ING5: variants seen among roughly 807,000 people sequenced by gnomAD.
ING5 encodes the protein inhibitor of growth protein 5.
ING5 carries 17 observed loss-of-function variants against 37.4 expected under a neutral mutation model. The ratio of observed to expected loss-of-function variants is 0.45; its 90% CI spans 0.31 to 0.68. The LOEUF is 0.68. ING5 is among the 30% of genes least tolerant of loss of function. ING5 has a pLI of 0.05. For missense variants in ING5, 233 were observed against 311.9 expected (o/e 0.75, Z 1.91); for synonymous variants, 123 against 116.6 (o/e 1.06, Z -0.36).
chr2:241,721,569 C>T (rs1214815980), intron 5 of ING5: 2 of 985,322 alleles, frequency 2.0e-6, no homozygotes, highest in South Asian at 4.7e-5. Context: ...TGTTGATTCC[C>T]TCTGGGACCC....
chr2:241,697,030 C>T (rs532631857), intron 2 of ING5, among the ~76,000 whole-genome samples: 3 of 151,994 alleles, frequency 2.0e-5, no homozygotes, highest in Admixed American at 6.6e-5. Context: ...TGCAGTGAGC[C>T]GAGATTGCGC....
At chr2:241,697,939 C>G (rs541009961), upstream of ING5, among the ~76,000 whole-genome samples, 1 of 152,026 alleles carries the variant, frequency 6.6e-6, no homozygotes, top group Admixed American at 6.6e-5. Context: ...AAAACTTAGC[C>G]AGGCGTGGTG....
intron 7 of ING5, among the ~76,000 whole-genome samples, 186 bp downstream of exon 7, chr2:241,723,457 T>TA (rs1445469946): frequency 7.9e-5 from 12 of 152,358 alleles, no homozygotes; most frequent in South Asian, 2.1e-4. Context: ...GGTGTGGCTT[T>TA]ATCCCCCCTT....
chr2:241,688,199 A>G (rs904616561), intron 1 of ING5: 1 of 152,250 alleles, frequency 6.6e-6, no homozygotes, highest in Non-Finnish European at 1.5e-5. Context: ...TCATCTGTGT[A>G]GCCCTGGATT....
rs1349541199 is a variant in ING5, at chr2:241,719,745, C to A, written c.483-3194C>A. The A allele has an allele frequency of 2.1e-6, 3 of 1,456,088 alleles. No homozygotes were observed. In the African/African-American group the frequency reaches 4.3e-5, roughly 21 times the overall value. 90.2% of individuals were successfully genotyped at this position (1,456,088 alleles called of 1,614,324 possible). A position where few individuals can be genotyped will look rare whatever the true frequency, so the allele number is the denominator to read the frequency against. ...TCAGAGACCTCAGGAACAGCCAGCA[C>A]CTCTGCAAACACAGGAAGATCCACT... On this transcript the variant is annotated intron_variant, in intron 5 of 7. Transcript: ENST00000313552.
chr2:241,710,927 A>C (rs1048206388), intron 3 of ING5, among the ~76,000 whole-genome samples: 2 of 148,596 alleles, frequency 1.3e-5, no homozygotes, highest in South Asian at 4.3e-4. Flanking sequence ...TTTTGTATTT[A>C]TTTTAGAGAT....
At chr2:241,693,726 C>T (rs1325290090) in intron 2 of ING5, among the ~76,000 whole-genome samples, 1 of 134,710 alleles carries the variant, frequency 7.4e-6, no homozygotes, top group African/African-American at 2.7e-5. Context: ...GGCGCAGTCT[C>T]GGCTAACTGC....
At chr2:241,721,194 G>T in intron 5 of ING5, 1 of 985,666 alleles carries the variant, frequency 1.0e-6, no homozygotes, top group Non-Finnish European at 1.2e-6. Flanking sequence ...CCCCTTGGAG[G>T]TGAAGCCACA....
upstream of ING5, among the ~76,000 whole-genome samples, chr2:241,699,390 G>A (rs2069680716): frequency 6.6e-6 from 1 of 152,082 alleles, no homozygotes; most frequent in Non-Finnish European, 1.5e-5. Context: ...TTTGACTGGG[G>A]TTTAGGGAAG....
In ING5 at chr2:241,693,652, C is replaced by CTTTTTT. The variant is rs1185556171; in HGVS notation, c.43+3017_43+3022dup. Among the ~76,000 whole-genome samples, 218 of 78,560 alleles carry CTTTTTT rather than the reference C, an allele frequency of 2.8e-3. 10 individuals carry two copies. Among genetic ancestry groups the CTTTTTT allele is most frequent in the East Asian group, 5.7e-3 (14 of 2,440 alleles). The allele number at this position is 78,560 out of a possible 152,430, so 51.5% of individuals were successfully genotyped here. A position where few individuals can be genotyped will look rare whatever the true frequency, so the allele number is the denominator to read the frequency against. On this transcript the variant is annotated intron_variant, in intron 2 of 7. Transcript: ENST00000636051. ...AGTTGTTGCACTGAGAAATACAACT[C>CTTTTTT]TTTTTTTTTTTTTTTTTTTTTTTGA...
At chr2:241,712,385 A>G (rs890859117) in intron 5 of ING5, 1 of 281,480 alleles carries the variant, frequency 3.6e-6, no homozygotes, top group Non-Finnish European at 6.7e-6. Context: ...CCCACTAGGG[A>G]CAGGAGGATG....
intron 3 of ING5, 49 bp downstream of exon 3, chr2:241,709,431 C>A: frequency 1.3e-6 from 2 of 1,525,766 alleles, no homozygotes; most frequent in Non-Finnish European, 1.8e-6. Flanking sequence ...TCTACTCCTG[C>A]CTCTCATGCA....
chr2:241,721,309 C>G (rs1370753195), intron 5 of ING5: 2 of 985,300 alleles, frequency 2.0e-6, no homozygotes, highest in African/African-American at 3.5e-5. Flanking sequence ...AAAGCAGTGT[C>G]GGCAGCACCT....
At position 241,712,935 on chromosome 2, in the gene ING5, G is replaced by A. The variant is rs180721000; in HGVS notation, c.482+864G>A. On this transcript the variant is annotated intron_variant, in intron 5 of 7. Coordinates refer to ENST00000313552, the MANE Select transcript of ING5 (RefSeq NM_032329.6). ...CCAGCTACTAGGGAAAGCTGAGCTG[G>A]GAGGATCATGAGCCACGATCGCACC... Among the ~76,000 whole-genome samples, 42 of 151,692 alleles carry A rather than the reference G, an allele frequency of 2.8e-4. 1 individual carries two copies. In the East Asian group the frequency reaches 7.4e-3, roughly 27 times the overall value.
At chr2:241,697,703 C>T (rs1481385586), upstream of ING5, among the ~76,000 whole-genome samples, 1 of 151,982 alleles carries the variant, frequency 6.6e-6, no homozygotes, top group Non-Finnish European at 1.5e-5. Flanking sequence ...AATCGGGAAG[C>T]GCAGGGGATT....
chr2:241,688,864 T>C (rs898873802), intron 1 of ING5, among the ~76,000 whole-genome samples: 33 of 152,176 alleles, frequency 2.2e-4, no homozygotes, highest in African/African-American at 7.9e-4. Flanking sequence ...AGTGGCGCAA[T>C]CTTGGCTCAC....
At chr2:241,723,871 G>A (rs754065217) in intron 7 of ING5, 158 of 1,459,548 alleles carry the variant, frequency 1.1e-4, no homozygotes, top group Middle Eastern at 1.0e-3. Context: ...TTAGCTGGGC[G>A]TGGTGGTGCG....
At chr2:241,709,069 A>T in intron 2 of ING5, 147 bp from the exon 3 acceptor site, 2 of 819,156 alleles carry the variant, frequency 2.4e-6, no homozygotes, top group Non-Finnish European at 4.0e-6. Context: ...GGTTCTGCCC[A>T]CTTGCGCTCC....
At chr2:241,707,505 T>C (rs950374890) in intron 2 of ING5, among the ~76,000 whole-genome samples, 2 of 152,006 alleles carry the variant, frequency 1.3e-5, no homozygotes, top group African/African-American at 4.8e-5. Context: ...TTGGTCAGGC[T>C]GGTCTTGAAC....
Sources: gnomAD v4.1 joint callset for allele counts (sites outside exome capture counted in the v4.1 genomes callset) on GRCh38, gnomAD v4.1.1 for gene constraint, MANE v1.5 for transcripts, NCBI Gene and HGNC (gene_info 2026-07-23, HGNC 2026-07-21) for gene names.